COL24A1: variants seen among roughly 807,000 people sequenced by gnomAD.
COL24A1 encodes the protein collagen type XXIV alpha 1 chain.
COL24A1 carries 224 observed loss-of-function variants against 253.9 expected under a neutral mutation model. That is an observed-to-expected ratio of 0.88 (90% CI 0.79 to 0.99). The LOEUF (loss-of-function observed/expected upper bound fraction) is 0.99. Ranked by LOEUF, COL24A1 falls within the 50% of genes least tolerant of loss-of-function variation. The pLI is 0.00. For missense variants in COL24A1, 2,131 were observed against 2,068.5 expected, an observed-to-expected ratio of 1.03 and a Z score of -0.59; for synonymous variants, 685 against 673.7, an observed-to-expected ratio of 1.02 and a Z score of -0.26.
At chr1:85,833,319 A>G (rs953092868) in intron 43 of COL24A1, among the ~76,000 whole-genome samples, 5 of 152,234 alleles carry the variant, frequency 3.3e-5, no homozygotes, top group Non-Finnish European at 7.3e-5. Context: ...ATGAACAGAC[A>G]CTTCTCAAAA....
At chr1:85,754,941 A>G (rs937255107) in intron 55 of COL24A1, among the ~76,000 whole-genome samples, 2 of 152,196 alleles carry the variant, frequency 1.3e-5, no homozygotes, top group East Asian at 3.8e-4. Flanking sequence ...AAACATCACA[A>G]ATCTGATGCA....
chr1:85,755,140 A>G (rs914410475), intron 55 of COL24A1, among the ~76,000 whole-genome samples: 6 of 152,208 alleles, frequency 3.9e-5, no homozygotes, highest in African/African-American at 1.4e-4. Context: ...AGGCAGTAGG[A>G]TAATATATTC....
intron 43 of COL24A1, among the ~76,000 whole-genome samples, chr1:85,828,517 G>A (rs202002176): frequency 6.6e-6 from 1 of 151,462 alleles, no homozygotes; most frequent in African/African-American, 2.4e-5. Context: ...AATGTTGACA[G>A]TGGGGTGTTA....
intron 43 of COL24A1, among the ~76,000 whole-genome samples, chr1:85,823,961 T>A (rs568446341): frequency 2.0e-5 from 3 of 152,220 alleles, no homozygotes; most frequent in African/African-American, 7.2e-5. Flanking sequence ...TCTTTTTTTT[T>A]AATGTGAATT....
chr1:85,868,776 AT>A lies in COL24A1; in HGVS notation c.3192+5del. Reference sequence around the variant, plus strand: ...TTTTATATATAATCTTAAAAGTATAATTTACCTTTAACCCATCTTTTCCCTG... The same window carrying A: ...TTTTATATATAATCTTAAAAGTATAATTACCTTTAACCCATCTTTTCCCTG... On this transcript the variant is annotated splice_donor_5th_base_variant and intron_variant, in intron 36 of 59. Transcript: ENST00000370571. 4 of 1,536,804 alleles carry A rather than the reference AT, an allele frequency of 2.6e-6. No individual in the cohort carries two copies. Among genetic ancestry groups the A allele is most frequent in the Non-Finnish European group, 3.5e-6 (4 of 1,130,622 alleles).
chr1:86,150,085 C>T (rs1217754753), intron 1 of COL24A1, among the ~76,000 whole-genome samples: 2 of 152,184 alleles, frequency 1.3e-5, no homozygotes, highest in East Asian at 1.9e-4. Context: ...AAGTTATTCT[C>T]CATCCACTGG....
At chr1:86,031,977 G>T in intron 13 of COL24A1, 55 bp from the exon 14 acceptor site, 3 of 1,408,732 alleles carry the variant, frequency 2.1e-6, no homozygotes, top group Non-Finnish European at 3.0e-6. Context: ...ACTACTAAGG[G>T]TATTTCTGAA....
chr1:85,774,711 G>A (rs1352801423), intron 53 of COL24A1, among the ~76,000 whole-genome samples: 2 of 152,112 alleles, frequency 1.3e-5, no homozygotes, highest in African/African-American at 4.8e-5. Context: ...TGGGATTGGT[G>A]GTGATATTCC....
At chr1:85,832,371 G>A (rs1202663264) in intron 43 of COL24A1, among the ~76,000 whole-genome samples, 1 of 151,976 alleles carries the variant, frequency 6.6e-6, no homozygotes, top group Admixed American at 6.6e-5. Context: ...GATGCCTCCA[G>A]CTTTGTCCTT....
intron 12 of COL24A1, among the ~76,000 whole-genome samples, chr1:86,035,595 C>T (rs1016890984): frequency 1.3e-5 from 2 of 151,946 alleles, no homozygotes; most frequent in African/African-American, 4.8e-5. Flanking sequence ...AAAGTGATTC[C>T]TAATGAGTAC....
chr1:85,743,021 T>C (rs1014644071), intron 57 of COL24A1, among the ~76,000 whole-genome samples: 6 of 152,122 alleles, frequency 3.9e-5, no homozygotes, highest in Non-Finnish European at 5.9e-5. Context: ...TCCTTCTCAG[T>C]GGTTTCCCTA....
chr1:86,038,790 G>A (rs1699226687), intron 12 of COL24A1, among the ~76,000 whole-genome samples: 1 of 151,878 alleles, frequency 6.6e-6, no homozygotes, highest in Admixed American at 6.6e-5. Context: ...AGGAAGTGAG[G>A]CCTCCCATCA....
intron 3 of COL24A1, among the ~76,000 whole-genome samples, chr1:86,122,841 G>A (rs1163359514): frequency 6.6e-6 from 1 of 151,906 alleles, no homozygotes. Flanking sequence ...ACTGTTACCA[G>A]ACCGATTTTC....
intron 39 of COL24A1, among the ~76,000 whole-genome samples, chr1:85,847,313 T>C (rs1677238515): frequency 6.6e-6 from 1 of 152,200 alleles, no homozygotes; most frequent in African/African-American, 2.4e-5. Context: ...TCAAAGCAAT[T>C]TGTCAACCAT....
Position 85,842,393 on chromosome 1 carries a change from C to A in COL24A1, c.3463G>T (p.Gly1155Ter). Reference sequence around the variant, plus strand: ...TCAGGTCCCATCAATCCTAAATGTCCCTGAAAAACAAAGTAAATATTAGTG... The same window carrying A: ...TCAGGTCCCATCAATCCTAAATGTCACTGAAAAACAAAGTAAATATTAGTG... ...KGARGTRGAV[G>*]HLGLMGPDGE... The change falls in exon 40 of 60, where the codon GGA (glycine) becomes TGA (stop). Residue 1155 changes from glycine to a stop codon, truncating the protein, a stop_gained and splice_region_variant. Transcript: ENST00000370571. LOFTEE classifies it high-confidence loss of function. The A allele has an allele frequency of 6.3e-7, 1 of 1,592,812 alleles. No individual in the cohort carries two copies. The highest frequency in any genetic ancestry group is 2.2e-5 in the East Asian group (1 of 44,604).
At chr1:85,898,744 A>G (rs141594085) in intron 28 of COL24A1, among the ~76,000 whole-genome samples, 270 of 152,320 alleles carry the variant, frequency 1.8e-3, no homozygotes, top group African/African-American at 5.8e-3. Flanking sequence ...TTCATAAACA[A>G]GCAAATAAGT....
At position 85,768,698 on chromosome 1, in the gene COL24A1, C is replaced by T. The variant is rs564101999; in HGVS notation, c.4374+6976G>A. On this transcript the variant is annotated intron_variant, in intron 53 of 59. Transcript: ENST00000370571. ...CCCTACTCAGTGCAGGAATACCAGT[C>T]CAGTAACTTGGGGAGATGGTCAGTA... 2.6e-5 allele frequency among the ~76,000 whole-genome samples: 4 copies of T among 152,046 alleles called. No individual in the cohort carries two copies. In the East Asian group the frequency reaches 7.7e-4, roughly 29 times the overall value.
At position 85,924,761 on chromosome 1, in the gene COL24A1, C is replaced by A. The variant is rs1236703522; in HGVS notation, c.2563-13328G>T. 3.3e-5 allele frequency among the ~76,000 whole-genome samples: 5 copies of A among 152,160 alleles called. No homozygotes were observed. The East Asian group carries it at 9.6e-4, about 29-fold the overall frequency. On this transcript the variant is annotated intron_variant, in intron 24 of 59. Coordinates refer to ENST00000370571, the MANE Select transcript of COL24A1 (RefSeq NM_152890.7). The stretch of plus-strand genomic sequence containing the variant: ...GAAGCATTCCCTTTGAAAACTGGCA[C>A]AAGACAGAGATGCCCTCTCTCACCA...
Position 86,092,311 on chromosome 1 carries a change from C to T in COL24A1, c.1609G>A (p.Gly537Arg). The change falls in exon 6 of 60, where the codon GGA (glycine) becomes AGA (arginine). Residue 537 changes from glycine to arginine, a missense_variant. Coordinates refer to ENST00000370571, the MANE Select transcript of COL24A1 (RefSeq NM_152890.7). ...TGACCTGGGGAAAATCCTGGATCTCCTTTGGGGCCCTAAATAAAATAGTTA... is the reference window on the plus strand; with the variant it reads ...TGACCTGGGGAAAATCCTGGATCTCTTTTGGGGCCCTAAATAAAATAGTTA... Reference protein sequence around the residue: ...PGLPGPKGPKGDPGFSPGQPV... With the variant: ...PGLPGPKGPKRDPGFSPGQPV... 6.2e-7 allele frequency: 1 copy of T among 1,604,886 alleles called. No individual in the cohort carries two copies. The highest frequency in any genetic ancestry group is 1.1e-5 in the South Asian group (1 of 90,152).
Sources: allele counts gnomAD v4.1 joint callset (sites outside exome capture counted in the v4.1 genomes callset), GRCh38; gene constraint gnomAD v4.1.1; transcripts MANE v1.5; gene names NCBI Gene and HGNC (gene_info 2026-07-23, HGNC 2026-07-21).